Variants in BCKDHB observed in about 807,000 individuals in gnomAD.
BCKDHB encodes 2-oxoisovalerate dehydrogenase subunit beta, mitochondrial.
BCKDHB carries 41 observed loss-of-function variants against 48.5 expected under a neutral mutation model. That is an observed-to-expected ratio of 0.85 (90% CI 0.66 to 1.10). The LOEUF is 1.10. Among genes scored for constraint, BCKDHB ranks in the 50% least tolerant of loss-of-function variants. The pLI, the probability that BCKDHB is intolerant of heterozygous loss-of-function variation, is 0.00. For missense variants in BCKDHB, 496 were observed against 494.2 expected (o/e 1.00, Z -0.03); for synonymous variants, 201 against 174.8 (o/e 1.15, Z -1.18).
At chr6:80,233,451 C>T (rs1776017562) in intron 8 of BCKDHB, among the ~76,000 whole-genome samples, 1 of 152,140 alleles carries the variant, frequency 6.6e-6, no homozygotes, top group South Asian at 2.1e-4. Flanking sequence ...CATTCACATT[C>T]TTTTATATGT....
At chr6:80,138,417 A>G (rs202150432) in intron 3 of BCKDHB, among the ~76,000 whole-genome samples, 3 of 152,146 alleles carry the variant, frequency 2.0e-5, no homozygotes, top group East Asian at 3.9e-4. Flanking sequence ...AGCATTAGGT[A>G]TATCTCCCAA....
At chr6:80,215,032 A>G (rs1775104111) in intron 8 of BCKDHB, among the ~76,000 whole-genome samples, 1 of 152,190 alleles carries the variant, frequency 6.6e-6, no homozygotes. Context: ...ATATGTTAAA[A>G]ATTATGTGTA....
chr6:80,387,108 C>G, the BCKDHB span, among the ~76,000 whole-genome samples: 1 of 152,110 alleles, frequency 6.6e-6, no homozygotes, highest in Non-Finnish European at 1.5e-5. Flanking sequence ...GACCCAAAAC[C>G]TCATTGTGGT....
intron 8 of BCKDHB, among the ~76,000 whole-genome samples, chr6:80,236,466 G>T (rs1776150857): frequency 6.6e-6 from 1 of 152,222 alleles, no homozygotes; most frequent in Admixed American, 6.5e-5. Flanking sequence ...CTGGAAAAGT[G>T]AAAATTTTAT....
At chr6:80,331,792 C>T (rs1347449295) in intron 9 of BCKDHB, among the ~76,000 whole-genome samples, 2 of 152,208 alleles carry the variant, frequency 1.3e-5, no homozygotes, top group African/African-American at 4.8e-5. Flanking sequence ...GGAGAATAGA[C>T]ACTTCTCATC....
At chr6:80,439,824 A>T in the BCKDHB span, among the ~76,000 whole-genome samples, 1 of 152,234 alleles carries the variant, frequency 6.6e-6, no homozygotes, top group Non-Finnish European at 1.5e-5. Context: ...GTTAGACTTA[A>T]GTCTGTACTA....
intron 8 of BCKDHB, chr6:80,251,709 T>C (rs1013114860): frequency 1.3e-5 from 2 of 152,206 alleles, no homozygotes; most frequent in Admixed American, 6.5e-5. Context: ...CATTTTCTTT[T>C]AGGTATTTCT....
the BCKDHB span, among the ~76,000 whole-genome samples, chr6:80,430,307 G>T: frequency 2.6e-5 from 4 of 152,146 alleles, no homozygotes; most frequent in African/African-American, 9.7e-5. Context: ...GTTCATTAGG[G>T]ATATTGGCCT....
intron 1 of BCKDHB, among the ~76,000 whole-genome samples, chr6:80,112,523 T>C (rs906659647): frequency 1.3e-5 from 2 of 152,202 alleles, no homozygotes; most frequent in Non-Finnish European, 2.9e-5. Context: ...CCAAACAGTA[T>C]TGCAAAAGAA....
At chr6:80,395,452 G>A in the BCKDHB span, among the ~76,000 whole-genome samples, 1 of 152,182 alleles carries the variant, frequency 6.6e-6, no homozygotes, top group Non-Finnish European at 1.5e-5. Context: ...GTCTTGCTAT[G>A]CAAAAAGACT....
chr6:80,394,396 T>C, the BCKDHB span, among the ~76,000 whole-genome samples: 1 of 152,322 alleles, frequency 6.6e-6, no homozygotes, highest in Admixed American at 6.5e-5. Flanking sequence ...CTTGTTCTTT[T>C]GGATGCAATA....
At chr6:80,223,625 T>A (rs1188888232) in intron 8 of BCKDHB, among the ~76,000 whole-genome samples, 1 of 152,192 alleles carries the variant, frequency 6.6e-6, no homozygotes, top group African/African-American at 2.4e-5. Context: ...CTTTGTGATA[T>A]TTTCTAGACA....
intron 9 of BCKDHB, among the ~76,000 whole-genome samples, chr6:80,297,848 G>A (rs1767336109): frequency 6.6e-6 from 1 of 152,156 alleles, no homozygotes; most frequent in Non-Finnish European, 1.5e-5. Flanking sequence ...ATAATGTGAA[G>A]CAATTTCTGA....
intron 8 of BCKDHB, among the ~76,000 whole-genome samples, chr6:80,216,307 G>C (rs903735854): frequency 6.6e-6 from 1 of 152,130 alleles, no homozygotes; most frequent in Non-Finnish European, 1.5e-5. Context: ...CTAAATGTCA[G>C]CTTAGAACAT....
At chr6:80,424,526 A>G in the BCKDHB span, among the ~76,000 whole-genome samples, 1 of 152,134 alleles carries the variant, frequency 6.6e-6, no homozygotes, top group Non-Finnish European at 1.5e-5. Flanking sequence ...TTTGCATCCA[A>G]TTTTATAAAT....
intron 1 of BCKDHB, among the ~76,000 whole-genome samples, chr6:80,110,291 C>T (rs972622054): frequency 5.9e-5 from 9 of 152,218 alleles, no homozygotes; most frequent in African/African-American, 2.2e-4. Context: ...GCCATACTCT[C>T]TGCTAGCTGC....
chr6:80,325,916 C>T (rs537494411), intron 9 of BCKDHB, among the ~76,000 whole-genome samples: 10 of 152,084 alleles, frequency 6.6e-5, no homozygotes, highest in Non-Finnish European at 8.8e-5. Context: ...GAGAAACTGT[C>T]GCAGCCAAGG....
the BCKDHB span, among the ~76,000 whole-genome samples, chr6:80,360,817 C>G: frequency 5.3e-5 from 8 of 151,654 alleles, no homozygotes; most frequent in African/African-American, 1.9e-4. Flanking sequence ...ACCAGCCTGG[C>G]CAATATGGTG....
At chr6:80,404,412 A>T in the BCKDHB span, among the ~76,000 whole-genome samples, 10 of 151,714 alleles carry the variant, frequency 6.6e-5, no homozygotes, top group African/African-American at 2.2e-4. Context: ...ATTGGTTGTA[A>T]TACCTCCTCT....
Sources: gnomAD v4.1 joint callset for allele counts (sites outside exome capture counted in the v4.1 genomes callset) on GRCh38, gnomAD v4.1.1 for gene constraint, MANE v1.5 for transcripts, NCBI Gene and HGNC (gene_info 2026-07-23, HGNC 2026-07-21) for gene names.